The following SAMD4A variants were observed in gnomAD, a reference collection of about 807,000 sequenced individuals.
The protein encoded by SAMD4A is sterile alpha motif domain containing 4A.
SAMD4A carries 33 observed loss-of-function variants against 81.3 expected under a neutral mutation model. The ratio of observed to expected loss-of-function variants is 0.41; its 90% CI spans 0.31 to 0.54. SAMD4A has a LOEUF of 0.54. Ranked by LOEUF, SAMD4A falls within the 20% of genes least tolerant of loss-of-function variation. SAMD4A has a pLI of 0.37. For missense variants in SAMD4A, 854 were observed against 951.1 expected (o/e 0.90, Z 1.34); for synonymous variants, 389 against 382.1 (o/e 1.02, Z -0.21).
At chr14:54,703,965 ATAGG>A (rs1417987540) in intron 3 of SAMD4A, 2 of 152,194 alleles carry the variant, frequency 1.3e-5, no homozygotes, top group Non-Finnish European at 2.9e-5. Flanking sequence ...GCTTTCTCAA[ATAGG>A]TAGGATTGTT....
intron 2 of SAMD4A, among the ~76,000 whole-genome samples, chr14:54,597,324 G>C (rs1238703182): frequency 6.6e-6 from 1 of 151,714 alleles, no homozygotes; most frequent in Non-Finnish European, 1.5e-5. Flanking sequence ...GCCTAGGCTG[G>C]AGTGCAATGG....
At chr14:54,773,526 A>C (rs1414626889) in intron 9 of SAMD4A, among the ~76,000 whole-genome samples, 1 of 152,202 alleles carries the variant, frequency 6.6e-6, no homozygotes, top group Non-Finnish European at 1.5e-5. Context: ...AACCTCCCGG[A>C]CCTGAGGCGT....
chr14:54,686,285 T>A (rs998017491), intron 2 of SAMD4A, among the ~76,000 whole-genome samples: 6 of 152,174 alleles, frequency 3.9e-5, no homozygotes, highest in African/African-American at 1.4e-4. Context: ...TTAGCTTCAT[T>A]CTGCTACAGT....
intron 2 of SAMD4A, among the ~76,000 whole-genome samples, chr14:54,663,696 T>C (rs947989494): frequency 3.9e-5 from 6 of 152,328 alleles, no homozygotes; most frequent in South Asian, 4.1e-4. Flanking sequence ...GGTCATTTTT[T>C]CCCCTACATT....
intron 4 of SAMD4A, among the ~76,000 whole-genome samples, chr14:54,744,264 C>T (rs1185649109): frequency 6.6e-6 from 1 of 152,102 alleles, no homozygotes; most frequent in East Asian, 1.9e-4. Flanking sequence ...CTGGGGTTTC[C>T]TTGTTTGTGG....
At chr14:54,566,039 C>T (rs2032920601), upstream of SAMD4A, among the ~76,000 whole-genome samples, 3 of 152,096 alleles carry the variant, frequency 2.0e-5, no homozygotes, top group South Asian at 6.2e-4. Context: ...TCGGGCGCTC[C>T]CTGCCAAGCC....
At chr14:54,694,998 G>A in intron 2 of SAMD4A, 1 of 808,572 alleles carries the variant, frequency 1.2e-6, no homozygotes, top group Non-Finnish European at 1.5e-6. Flanking sequence ...ATGGTCAGAT[G>A]CCTTTGAATG....
chr14:54,729,643 A>G (rs1296077972), intron 3 of SAMD4A, among the ~76,000 whole-genome samples: 1 of 152,250 alleles, frequency 6.6e-6, no homozygotes, highest in Admixed American at 6.5e-5. Flanking sequence ...GTAGATACAA[A>G]AAGAAACAGT....
At chr14:54,765,665 C>G (rs1361899282) in intron 8 of SAMD4A, among the ~76,000 whole-genome samples, 5 of 152,152 alleles carry the variant, frequency 3.3e-5, no homozygotes, top group Non-Finnish European at 7.4e-5. Context: ...GGCCTCCTCA[C>G]CTTTGCTGCA....
intron 6 of SAMD4A, among the ~76,000 whole-genome samples, chr14:54,754,571 C>G (rs2038190836): frequency 6.6e-6 from 1 of 152,170 alleles, no homozygotes; most frequent in African/African-American, 2.4e-5. Context: ...GAACCCCTAC[C>G]TCTCCTGCTT....
intron 2 of SAMD4A, among the ~76,000 whole-genome samples, chr14:54,577,966 C>G (rs1024692008): frequency 5.3e-5 from 8 of 152,148 alleles, no homozygotes; most frequent in African/African-American, 1.7e-4. Context: ...TTAGGGCTGC[C>G]CAAACAATGC....
Position 54,702,313 on chromosome 14 carries a change from T to C in SAMD4A, c.448T>C (p.Leu150=), listed in dbSNP as rs752081245. The change falls in exon 3 of 13, where the codon TTG becomes CTG. Residue 150 remains leucine, a synonymous_variant. Coordinates refer to ENST00000554335, the MANE Select transcript of SAMD4A (RefSeq NM_015589.6). ...TGCTTTAGCCATGTGGCTGAATCAC[T>C]TGGAGGACCGCACGTCGACCAGCTT... ...RSALAMWLNH[L]EDRTSTSFGG... is the part of the protein sequence containing the mutation. 2.5e-6 allele frequency: 4 copies of C among 1,613,772 alleles called. No individual in the cohort carries two copies. Among genetic ancestry groups the C allele is most frequent in the East Asian group, 2.2e-5 (1 of 44,884 alleles).
chr14:54,581,659 A>C (rs1047569753), intron 2 of SAMD4A, among the ~76,000 whole-genome samples: 4 of 152,250 alleles, frequency 2.6e-5, no homozygotes, highest in African/African-American at 9.6e-5. Context: ...CCTGCCTGTA[A>C]AGATTCCAGT....
chr14:54,566,396 G>T (rs949244894), upstream of SAMD4A, among the ~76,000 whole-genome samples: 4 of 151,814 alleles, frequency 2.6e-5, no homozygotes, highest in Non-Finnish European at 5.9e-5. Flanking sequence ...CTCCGCCCGA[G>T]AAGTTCTGGG....
At position 54,687,659 on chromosome 14, in the gene SAMD4A, C is replaced by G. The variant is rs367931507; in HGVS notation, c.197-14403C>G. ...CAGCCAGGTCCCCTGGACAAGGGGT[C>G]AGGAAGCTTCAGCACTGTTCACGGT... On this transcript the variant is annotated intron_variant, in intron 2 of 12. Coordinates refer to ENST00000554335, the MANE Select transcript of SAMD4A (RefSeq NM_015589.6). 2.0e-5 allele frequency among the ~76,000 whole-genome samples: 3 copies of G among 152,170 alleles called. No individual in the cohort carries two copies. The South Asian group carries it at 6.2e-4, about 32-fold the overall frequency.
At chr14:54,776,315 T>A (rs1336632941) in intron 10 of SAMD4A, 99 bp from the exon 11 acceptor site, 24 of 1,294,674 alleles carry the variant, frequency 1.9e-5, no homozygotes, top group South Asian at 1.3e-4. Flanking sequence ...GAAGTTAGAG[T>A]TCTCCTGGGA....
At chr14:54,569,227 C>T (rs978905723) in intron 2 of SAMD4A, among the ~76,000 whole-genome samples, 3 of 152,132 alleles carry the variant, frequency 2.0e-5, no homozygotes, top group Non-Finnish European at 2.9e-5. Context: ...AGGTCCAGTC[C>T]AGGGCAGTGG....
chr14:54,654,449 A>T (rs1311518109), intron 2 of SAMD4A, among the ~76,000 whole-genome samples: 1 of 151,966 alleles, frequency 6.6e-6, no homozygotes, highest in East Asian at 1.9e-4. Flanking sequence ...TAGGATAGCA[A>T]CCCCCTGGGC....
chr14:54,733,032 C>T (rs2037596755), intron 3 of SAMD4A, among the ~76,000 whole-genome samples: 1 of 151,916 alleles, frequency 6.6e-6, no homozygotes, highest in African/African-American at 2.4e-5. Flanking sequence ...TCATATTTTC[C>T]CCGTAAAAGG....
Sources: gnomAD v4.1 joint callset for allele counts (sites outside exome capture counted in the v4.1 genomes callset) on GRCh38, gnomAD v4.1.1 for gene constraint, MANE v1.5 for transcripts, NCBI Gene and HGNC (gene_info 2026-07-23, HGNC 2026-07-21) for gene names.